Variants in MRO observed in about 807,000 individuals in gnomAD.
MRO encodes protein maestro.
MRO carries 28 observed loss-of-function variants against 31.0 expected under a neutral mutation model. That is an observed-to-expected ratio of 0.90 (90% CI 0.67 to 1.24). MRO has a LOEUF of 1.24. Ranked by LOEUF, MRO falls within the 50% of genes most tolerant of loss-of-function variation. The probability of loss-of-function intolerance (pLI) is 0.00; values close to 1 mark genes in which losing one functional copy is unlikely to be tolerated. For synonymous variants in MRO, 108 were observed against 108.4 expected (o/e 1.00, Z 0.02); for missense variants, 332 against 289.2 (o/e 1.15, Z -1.07).
At chr18:50,813,801 G>T (rs1914661979) in intron 2 of MRO, among the ~76,000 whole-genome samples, 1 of 152,144 alleles carries the variant, frequency 6.6e-6, no homozygotes, top group South Asian at 2.1e-4. Context: ...AGTACTTGTG[G>T]ACACAAAGAA....
rs530738255 is a variant in MRO at position 50,801,375 on chromosome 18, G to A, written c.559C>T (p.Gln187Ter). 8 of 1,602,912 alleles carry A rather than the reference G, an allele frequency of 5.0e-6. No individual in the cohort carries two copies. Among genetic ancestry groups the A allele is most frequent in the Middle Eastern group, 1.7e-4 (1 of 5,998 alleles). ...TTGGCAACCTGGGGATTTCTGTCCT[G>A]TAAATGGATCAGGAGGGAATCTCGT... Reference protein sequence around the residue: ...QTRDSLLIHLQDRNPQVAKAC... With the variant: ...QTRDSLLIHL Residue 187 changes from glutamine to a stop codon, truncating the protein, a stop_gained, in exon 6 of 8, where the codon CAG becomes TAG. Transcript: ENST00000398439. LOFTEE classifies it high-confidence loss of function.
At position 50,819,894 on chromosome 18, in the gene MRO, T is replaced by C. The variant is rs1915233417; in HGVS notation, c.-127+3A>G. ...GTAGGGTGGCACAAGCATGACTTGC[T>C]ACCTTTGCTTCCCCACGCCATGCTG... On this transcript the variant is annotated splice_donor_region_variant and intron_variant, in intron 1 of 7. Coordinates refer to ENST00000398439, the MANE Select transcript of MRO (RefSeq NM_031939.6). The C allele has an allele frequency of 9.0e-6, 14 of 1,551,420 alleles. No individual in the cohort carries two copies. Among genetic ancestry groups the C allele is most frequent in the Non-Finnish European group, 1.2e-5 (14 of 1,146,688 alleles).
chr18:50,808,262 T>C (rs1018438093), intron 3 of MRO, among the ~76,000 whole-genome samples: 1 of 152,026 alleles, frequency 6.6e-6, no homozygotes, highest in South Asian at 2.1e-4. Flanking sequence ...AGAGTCAGAA[T>C]CAAGATGACG....
chr18:50,814,007 A>G (rs76953217), intron 2 of MRO, among the ~76,000 whole-genome samples: 3,735 of 152,088 alleles, frequency 0.025, 76 homozygotes, highest in African/African-American at 0.062. Context: ...TAAAAATTTT[A>G]AATTCACATA....
At position 50,819,320 on chromosome 18, in the gene MRO, T is replaced by C. The variant is rs1915183960; in HGVS notation, c.-5+261A>G. On this transcript the variant is annotated intron_variant, in intron 2 of 7. Coordinates refer to ENST00000398439, the MANE Select transcript of MRO (RefSeq NM_031939.6). Reference sequence around the variant, plus strand: ...TATCTTCCCTGAGTCCCTGCCATTCTATTATATTGCTGACAATAGAATGAT... The same window carrying C: ...TATCTTCCCTGAGTCCCTGCCATTCCATTATATTGCTGACAATAGAATGAT... The C allele has an allele frequency of 1.6e-5, 9 of 570,222 alleles. No individual in the cohort carries two copies. In the South Asian group the frequency reaches 6.1e-4, roughly 39 times the overall value. 35.3% of individuals were successfully genotyped at this position (570,222 alleles called of 1,614,324 possible). A position where few individuals can be genotyped will look rare whatever the true frequency, so the allele number is the denominator to read the frequency against.
chr18:50,823,708 A>G (rs752854791), upstream of MRO: 2 of 155,258 alleles, frequency 1.3e-5, no homozygotes, highest in Non-Finnish European at 2.9e-5. Context: ...CCAAAAAACC[A>G]CCAAGTACCT....
intron 2 of MRO, among the ~76,000 whole-genome samples, chr18:50,817,924 A>C (rs747259454): frequency 3.3e-5 from 5 of 152,142 alleles, no homozygotes; most frequent in Non-Finnish European, 5.9e-5. Flanking sequence ...ATTAGGAGTT[A>C]AATCAAGGTC....
chr18:50,819,008 G>A (rs1421903185), intron 2 of MRO, among the ~76,000 whole-genome samples: 5 of 151,936 alleles, frequency 3.3e-5, no homozygotes, highest in African/African-American at 2.4e-5. Flanking sequence ...AGCCGAGATC[G>A]GGCCACCGCA....
chr18:50,805,102 T>G (rs1913781852), intron 5 of MRO, 52 bp downstream of exon 5: 3 of 1,507,690 alleles, frequency 2.0e-6, no homozygotes, highest in Non-Finnish European at 2.8e-6. Context: ...CACAGTCATA[T>G]TTCTAAGCCC....
intron 4 of MRO, among the ~76,000 whole-genome samples, chr18:50,805,745 G>GA (rs112212060): frequency 0.043 from 6,448 of 151,162 alleles, 155 homozygotes; most frequent in Non-Finnish European, 0.054. Context: ...TAAATTACTA[G>GA]AAAAAAAAAT....
rs144900328 is a variant in MRO, at chr18:50,799,783, C to T, written c.693+253G>A. 3.9e-3 allele frequency among the ~76,000 whole-genome samples: 587 copies of T among 152,096 alleles called. 11 individuals carry two copies. The highest frequency in any genetic ancestry group is 0.028 in the East Asian group (143 of 5,174). The stretch of plus-strand genomic sequence containing the variant: ...AAAATTAGCCGGGTGTGGTGGTGCA[C>T]GCCTGTAATCTCAGCTACTCAAGAA... On this transcript the variant is annotated intron_variant, in intron 7 of 7. Transcript: ENST00000398439.
chr18:50,815,628 G>T, intron 2 of MRO: 1 of 323,602 alleles, frequency 3.1e-6, no homozygotes, highest in South Asian at 2.9e-5. Flanking sequence ...ATCAAATTAT[G>T]AATGCATGAA....
chr18:50,803,924 T>C (rs1194418106), intron 5 of MRO, among the ~76,000 whole-genome samples: 1 of 152,254 alleles, frequency 6.6e-6, no homozygotes, highest in Non-Finnish European at 1.5e-5. Context: ...GCTAACTTGT[T>C]AGCTTGCAGT....
chr18:50,800,242 GC>G, intron 6 of MRO, 99 bp from the exon 7 acceptor site: 1 of 790,116 alleles, frequency 1.3e-6, no homozygotes, highest in South Asian at 2.0e-5. Context: ...GTGGTCAGGG[GC>G]CCACTGAAAG....
intron 1 of MRO, chr18:50,825,167 C>G (rs1915472060): frequency 6.6e-6 from 1 of 152,142 alleles, no homozygotes; most frequent in African/African-American, 2.4e-5. Context: ...TCACCAACAC[C>G]CCTACTTCCA....
upstream of MRO, among the ~76,000 whole-genome samples, chr18:50,821,655 A>AACAG (rs139306273): frequency 5.2e-3 from 798 of 152,334 alleles, 20 homozygotes; most frequent in East Asian, 0.066. Flanking sequence ...ACAGAAACAC[A>AACAG]ACAAACTATT....
At chr18:50,822,701 C>T (rs576920001), upstream of MRO, among the ~76,000 whole-genome samples, 37 of 139,436 alleles carry the variant, frequency 2.7e-4, no homozygotes, top group African/African-American at 9.4e-4. Flanking sequence ...CCGCCCCCCG[C>T]CCCCCGCCCC....
rs758826956 is a variant in MRO, at chr18:50,805,334, C to T, written c.249G>A (p.Val83=). 1.7e-5 allele frequency: 28 copies of T among 1,613,094 alleles called. No homozygotes were observed. Among genetic ancestry groups the T allele is most frequent in the Admixed American group, 5.0e-5 (3 of 59,918 alleles). ...GTMAYEAPDK[V]RKYKKIVLDL... Reference sequence around the variant, plus strand: ...CGAGGACAATTTTCTTATACTTTCTCACCTGTCACCAAGGTTTGAAAAGCA... The same window carrying T: ...CGAGGACAATTTTCTTATACTTTCTTACCTGTCACCAAGGTTTGAAAAGCA... The change falls in exon 5 of 8, where the codon GTG becomes GTA. Residue 83 remains valine, a splice_region_variant and synonymous_variant. Transcript: ENST00000398439.
At chr18:50,824,041 T>G (rs1346804130), upstream of MRO, 1 of 152,334 alleles carries the variant, frequency 6.6e-6, no homozygotes, top group Non-Finnish European at 1.5e-5. Context: ...AACAAATTGT[T>G]TCTAAACCAG....
Sources: gnomAD v4.1 joint callset for allele counts (sites outside exome capture counted in the v4.1 genomes callset) on GRCh38, gnomAD v4.1.1 for gene constraint, MANE v1.5 for transcripts, NCBI Gene and HGNC (gene_info 2026-07-23, HGNC 2026-07-21) for gene names.